The following CD53 variants were observed in gnomAD, a reference collection of about 807,000 sequenced individuals.
CD53 encodes the protein leukocyte surface antigen CD53.
CD53 carries 20 observed loss-of-function variants against 27.3 expected under a neutral mutation model. The observed-to-expected ratio is 0.73, with a 90% CI of 0.52 to 1.07. The LOEUF is 1.07. Ranked by LOEUF, CD53 falls within the 50% of genes least tolerant of loss-of-function variation. The pLI, the probability that CD53 is intolerant of heterozygous loss-of-function variation, is 0.00. For synonymous variants in CD53, 106 were observed against 105.3 expected, an observed-to-expected ratio of 1.01 and a Z score of -0.04; for missense variants, 216 against 264.0, an observed-to-expected ratio of 0.82 and a Z score of 1.26.
At chr1:110,890,547 A>G (rs896598739) in intron 1 of CD53, among the ~76,000 whole-genome samples, 3 of 151,906 alleles carry the variant, frequency 2.0e-5, no homozygotes, top group Admixed American at 2.0e-4. Context: ...AGCCTGGGTG[A>G]CAGATTGAGA....
chr1:110,884,549 G>A (rs1176485204), intron 1 of CD53, among the ~76,000 whole-genome samples: 3 of 152,126 alleles, frequency 2.0e-5, no homozygotes, highest in South Asian at 2.1e-4. Context: ...ACTATTGAGA[G>A]AAGGATATTG....
At chr1:110,888,936 T>C (rs951545110) in intron 1 of CD53, among the ~76,000 whole-genome samples, 2 of 152,210 alleles carry the variant, frequency 1.3e-5, no homozygotes, top group Non-Finnish European at 2.9e-5. Context: ...CATGAAATAT[T>C]CTTTGATCAA....
At chr1:110,871,673 C>A (rs1045891040), upstream of CD53, among the ~76,000 whole-genome samples, 22 of 152,122 alleles carry the variant, frequency 1.4e-4, no homozygotes, top group African/African-American at 5.3e-4. Flanking sequence ...AGAAGCCTCT[C>A]CTCAGCCCCA....
chr1:110,892,677 CA>C, intron 3 of CD53, 144 bp downstream of exon 3: 1 of 704,920 alleles, frequency 1.4e-6, no homozygotes, highest in Non-Finnish European at 2.4e-6. Context: ...CAAGTCTGCC[CA>C]GACCAATAGT....
In CD53 at chr1:110,880,765, G is replaced by A. The variant is rs555112430; in HGVS notation, c.-18+7517G>A. On this transcript the variant is annotated intron_variant, in intron 1 of 7. Transcript: ENST00000271324. ...ATAGCATAGATCCTACCCTCAAGGA[G>A]CTCACATTCTAGTGAGGGAATAGTC... is the stretch of plus-strand genomic sequence containing the variant. Among the ~76,000 whole-genome samples the A allele has an allele frequency of 1.1e-4, 16 of 152,288 alleles. No individual in the cohort carries two copies. The East Asian group carries it at 3.1e-3, about 29-fold the overall frequency.
In CD53 at chr1:110,898,974, A is replaced by G; in HGVS notation, c.589-150A>G. 9 of 601,622 alleles carry G rather than the reference A, an allele frequency of 1.5e-5. 1 individual carries two copies. The South Asian group carries it at 1.6e-4, about 10-fold the overall frequency. The allele number at this position is 601,622 out of a possible 1,614,324, so 37.3% of individuals were successfully genotyped here. A position where few individuals can be genotyped will look rare whatever the true frequency, so the allele number is the denominator to read the frequency against. On this transcript the variant is annotated intron_variant, in intron 7 of 7. Coordinates refer to ENST00000271324, the MANE Select transcript of CD53 (RefSeq NM_000560.4). ...TCACTGCTATTCTTTAACCAAAGGA[A>G]AGAGCTCCTGAGAGAGACTTGAAAG...
intron 6 of CD53, among the ~76,000 whole-genome samples, chr1:110,897,242 G>A (rs760524223): frequency 6.6e-6 from 1 of 152,118 alleles, no homozygotes; most frequent in Middle Eastern, 3.2e-3. Flanking sequence ...CTCCAGAATA[G>A]GCTCTGAGAA....
chr1:110,874,453 C>T (rs1284585265), intron 1 of CD53, among the ~76,000 whole-genome samples: 1 of 152,194 alleles, frequency 6.6e-6, no homozygotes, highest in Non-Finnish European at 1.5e-5. Context: ...TCTTAAGGAA[C>T]TCCCATGGGA....
At chr1:110,882,359 AAT>A (rs1656389609) in intron 1 of CD53, among the ~76,000 whole-genome samples, 1 of 152,036 alleles carries the variant, frequency 6.6e-6, no homozygotes, top group African/African-American at 2.4e-5. Context: ...TTCATTCTGT[AAT>A]ATATTAATTT....
chr1:110,894,798 C>T (rs978501050), intron 4 of CD53, among the ~76,000 whole-genome samples, 162 bp from the exon 5 acceptor site: 2 of 152,190 alleles, frequency 1.3e-5, no homozygotes, highest in Non-Finnish European at 2.9e-5. Flanking sequence ...TCATGCTCAG[C>T]CTGTATGCCC....
In CD53 at chr1:110,899,330, C is replaced by T; in HGVS notation, c.*135C>T. The T allele has an allele frequency of 1.6e-6, 1 of 620,706 alleles. No individual in the cohort carries two copies. Among genetic ancestry groups the T allele is most frequent in the Non-Finnish European group, 2.8e-6 (1 of 353,200 alleles). 38.4% of individuals were successfully genotyped at this position (620,706 alleles called of 1,614,324 possible). A position where few individuals can be genotyped will look rare whatever the true frequency, so the allele number is the denominator to read the frequency against. ...TCCCTTTTTAGGTCCCTGTCTTATACAACCAGAGAAGTGGGTGTTGGCCAG... is the reference window on the plus strand; with the variant it reads ...TCCCTTTTTAGGTCCCTGTCTTATATAACCAGAGAAGTGGGTGTTGGCCAG... On this transcript the variant is annotated 3_prime_UTR_variant, in exon 8 of 8. Coordinates refer to ENST00000271324, the MANE Select transcript of CD53 (RefSeq NM_000560.4).
intron 1 of CD53, among the ~76,000 whole-genome samples, chr1:110,887,306 C>T (rs1480965076): frequency 1.3e-5 from 2 of 152,096 alleles, no homozygotes; most frequent in Non-Finnish European, 2.9e-5. Context: ...CCTTGTGATC[C>T]GCCCGCCTCG....
chr1:110,892,980 T>C lies in CD53; in HGVS notation c.252+447T>C, dbSNP rs7552282. 437 of 176,838 alleles carry C rather than the reference T, an allele frequency of 2.5e-3. 2 individuals are homozygous for C. Among genetic ancestry groups the C allele is most frequent in the African/African-American group, 0.01 (421 of 41,714 alleles). 11.0% of individuals were successfully genotyped at this position (176,838 alleles called of 1,614,324 possible). A position where few individuals can be genotyped will look rare whatever the true frequency, so the allele number is the denominator to read the frequency against. ...TGCCAAAGGATGCTTCCTTAACTCA[T>C]GTCTGCACAAGATACTCCGTAGAGA... On this transcript the variant is annotated intron_variant, in intron 3 of 7. Coordinates refer to ENST00000271324, the MANE Select transcript of CD53 (RefSeq NM_000560.4).
intron 2 of CD53, among the ~76,000 whole-genome samples, chr1:110,892,124 C>G (rs550238503): frequency 6.6e-6 from 1 of 152,294 alleles, no homozygotes; most frequent in Non-Finnish European, 1.5e-5. Context: ...TCCTTGGTAT[C>G]TGGAGATGGG....
At chr1:110,894,789 C>A (rs1016222000) in intron 4 of CD53, among the ~76,000 whole-genome samples, 171 bp from the exon 5 acceptor site, 2 of 152,204 alleles carry the variant, frequency 1.3e-5, no homozygotes, top group African/African-American at 4.8e-5. Context: ...AATGCCACCT[C>A]ATGCTCAGCC....
chr1:110,891,547 G>A, intron 2 of CD53, 76 bp downstream of exon 2: 1 of 1,114,234 alleles, frequency 9.0e-7, no homozygotes, highest in Non-Finnish European at 1.4e-6. Flanking sequence ...TACTGAAGAG[G>A]CTGGTGTGGG....
intron 1 of CD53, among the ~76,000 whole-genome samples, chr1:110,886,156 T>C (rs1295150036): frequency 6.6e-6 from 1 of 152,170 alleles, no homozygotes; most frequent in African/African-American, 2.4e-5. Context: ...TTTTTTTCTT[T>C]AGTATTTTAA....
In CD53 at chr1:110,879,414, T is replaced by A. The variant is rs146184069; in HGVS notation, c.-18+6166T>A. The stretch of plus-strand genomic sequence containing the variant: ...CCTGTCTGATTCCAAAGCTAGTGTT[T>A]ATCAAACTGTGTTCCACAGAATACT... On this transcript the variant is annotated intron_variant, in intron 1 of 7. Transcript: ENST00000271324. 7.3e-3 allele frequency among the ~76,000 whole-genome samples: 1,112 copies of A among 152,352 alleles called. 7 individuals are homozygous for A. The highest frequency in any genetic ancestry group is 0.037 in the Middle Eastern group (11 of 294).
In CD53 at chr1:110,899,220, G is replaced by T. The variant is rs1355895048; in HGVS notation, c.*25G>T. The stretch of plus-strand genomic sequence containing the variant: ...ATCTGCAGTAGTCCTGTGGTGAAGA[G>T]ACTTGTTTCATCTCCGGAAATGCAA... On this transcript the variant is annotated 3_prime_UTR_variant, in exon 8 of 8. Coordinates refer to ENST00000271324, the MANE Select transcript of CD53 (RefSeq NM_000560.4). 2.6e-6 allele frequency: 4 copies of T among 1,552,158 alleles called. No homozygotes were observed. The highest frequency in any genetic ancestry group is 1.4e-5 in the African/African-American group (1 of 74,012).
Sources: gnomAD v4.1 joint callset for allele counts (sites outside exome capture counted in the v4.1 genomes callset) on GRCh38, gnomAD v4.1.1 for gene constraint, MANE v1.5 for transcripts, NCBI Gene and HGNC (gene_info 2026-07-23, HGNC 2026-07-21) for gene names.